Variants in CACNA1A observed in about 807,000 individuals in gnomAD.
CACNA1A encodes the protein calcium voltage-gated channel subunit alpha1 A.
Under a neutral mutation model 262.4 loss-of-function variants are expected in CACNA1A, and 57 were observed. The observed-to-expected ratio is 0.22, with a 90% CI of 0.18 to 0.27. The LOEUF (loss-of-function observed/expected upper bound fraction) is 0.27, where lower values mean the gene tolerates loss of function less well. CACNA1A is among the 10% of genes least tolerant of loss of function. The pLI, the probability that CACNA1A is intolerant of heterozygous loss-of-function variation, is 1.00. For missense variants in CACNA1A, 2,526 were observed against 3,562.8 expected (o/e 0.71, Z 7.41); for synonymous variants, 1,431 against 1,419.3 (o/e 1.01, Z -0.18).
intron 17 of CACNA1A, 64 bp downstream of exon 17, chr19:13,303,482 C>T (rs1023734014): frequency 2.2e-5 from 11 of 490,662 alleles, no homozygotes; most frequent in Non-Finnish European, 3.7e-5. Context: ...ACCCCCACCC[C>T]CGTCCTGATC....
Position 13,299,065 on chromosome 19 carries a change from G to T in CACNA1A, c.2568C>A (p.Asp856Glu). ...DQRLGQQRAE[D>E]FLRKQARYHD... Reference sequence around the variant, plus strand: ...GGTAGCGGGCCTGTTTCCTGAGGAAGTCCTCGGCGCGCTGCTGGCCGAGGC... The same window carrying T: ...GGTAGCGGGCCTGTTTCCTGAGGAATTCCTCGGCGCGCTGCTGGCCGAGGC... The change falls in exon 19 of 47, where the codon GAC (aspartate) becomes GAA (glutamate). Residue 856 changes from aspartate (D) to glutamate (E), a missense_variant. By Grantham distance (45) the Asp-to-Glu change is conservative (BLOSUM62 2). Transcript: ENST00000360228. The T allele has an allele frequency of 1.2e-6, 2 of 1,607,224 alleles. No individual in the cohort carries two copies. The highest frequency in any genetic ancestry group is 1.7e-6 in the Non-Finnish European group (2 of 1,179,020).
chr19:13,222,853 C>T (rs1344301546), intron 38 of CACNA1A, among the ~76,000 whole-genome samples: 1 of 151,668 alleles, frequency 6.6e-6, no homozygotes, highest in Non-Finnish European at 1.5e-5. Flanking sequence ...CACCATGACA[C>T]CCGGCTACTT....
At position 13,337,231 on chromosome 19, in the gene CACNA1A, A is replaced by G. The variant is rs181269869; in HGVS notation, c.979-1322T>C. ...CAAAGATTTATTGTCTTACAGTTAT[A>G]GAGGCCAAAAATCCAAGCTCAAGGT... On this transcript the variant is annotated intron_variant, in intron 6 of 46. Coordinates refer to ENST00000360228, the MANE Select transcript of CACNA1A (RefSeq NM_001127222.2). Among the ~76,000 whole-genome samples the G allele has an allele frequency of 1.2e-4, 19 of 152,348 alleles. 1 individual carries two copies. The East Asian group carries it at 3.3e-3, about 26-fold the overall frequency.
At position 13,261,545 on chromosome 19, in the gene CACNA1A, T is replaced by A; in HGVS notation, c.4155A>T (p.Leu1385=). ...CCACCACGGCGAAGATGAACATGAATAGCATGTAGACGATGAGGATGTTGA... is the reference window on the plus strand; with the variant it reads ...CCACCACGGCGAAGATGAACATGAAAAGCATGTAGACGATGAGGATGTTGA... ...NVFNILIVYM[L]FMFIFAVVAV... Residue 1385 remains leucine, a synonymous_variant, in exon 26 of 47, where the codon CTA becomes CTT. Coordinates refer to ENST00000360228, the MANE Select transcript of CACNA1A (RefSeq NM_001127222.2). 6.2e-7 allele frequency: 1 copy of A among 1,606,724 alleles called. No individual in the cohort carries two copies. The highest frequency in any genetic ancestry group is 1.1e-5 in the South Asian group (1 of 89,476).
intron 10 of CACNA1A, among the ~76,000 whole-genome samples, chr19:13,325,579 C>T (rs562785700): frequency 3.3e-5 from 5 of 152,240 alleles, no homozygotes; most frequent in South Asian, 2.1e-4. Flanking sequence ...GGATTACAGG[C>T]GCCCGCCTCC....
intron 8 of CACNA1A, 86 bp downstream of exon 8, chr19:13,334,292 C>T (rs1406682700): frequency 1.1e-5 from 9 of 795,352 alleles, no homozygotes; most frequent in Non-Finnish European, 2.0e-5. Context: ...ACCCTCCCAG[C>T]TTAGCCTTCT....
chr19:13,454,463 C>T (rs948907543), intron 2 of CACNA1A, among the ~76,000 whole-genome samples: 4 of 151,960 alleles, frequency 2.6e-5, no homozygotes, highest in African/African-American at 9.7e-5. Context: ...CTCTGCCTCC[C>T]GGGTTCAAGC....
chr19:13,319,987 G>C (rs2058214826), intron 10 of CACNA1A, among the ~76,000 whole-genome samples: 2 of 152,130 alleles, frequency 1.3e-5, no homozygotes. Context: ...ATTCCACTCG[G>C]CTGCAGTTGG....
At chr19:13,425,452 G>A (rs2060385246) in intron 3 of CACNA1A, among the ~76,000 whole-genome samples, 3 of 152,108 alleles carry the variant, frequency 2.0e-5, no homozygotes, top group Non-Finnish European at 4.4e-5. Flanking sequence ...AGTAGGATGG[G>A]GCCCCAATAG....
In CACNA1A at chr19:13,322,557, C is replaced by T. The variant is rs570133063; in HGVS notation, c.1346-5236G>A. On this transcript the variant is annotated intron_variant, in intron 10 of 46. Coordinates refer to ENST00000360228, the MANE Select transcript of CACNA1A (RefSeq NM_001127222.2). Reference sequence around the variant, plus strand: ...TATTAAAATGATGTAAATGGATCCCCGTTTCCCCACATCCTTGCCAGCACT... The same window carrying T: ...TATTAAAATGATGTAAATGGATCCCTGTTTCCCCACATCCTTGCCAGCACT... Among the ~76,000 whole-genome samples, 6 of 151,680 alleles carry T rather than the reference C, an allele frequency of 4.0e-5. No individual in the cohort carries two copies. In the East Asian group the frequency reaches 5.8e-4, roughly 15 times the overall value.
intron 3 of CACNA1A, among the ~76,000 whole-genome samples, chr19:13,381,641 G>C (rs138964250): frequency 2.1e-3 from 314 of 152,290 alleles, no homozygotes; most frequent in Middle Eastern, 0.01. Flanking sequence ...CCGGTGCAAA[G>C]GTCCAGCTGG....
chr19:13,207,414 T>TG lies in CACNA1A; in HGVS notation c.7419dup (p.Asn2474GlnfsTer29), dbSNP rs1238722007. ...AGTCCGTGCGCCGGGTAGTAGCCGT[T>TG]GGGGAGTCGCCGGCCGTGCCGAGAA... On this transcript the variant is annotated frameshift_variant, in exon 47 of 47. Coordinates refer to ENST00000360228, the MANE Select transcript of CACNA1A (RefSeq NM_001127222.2). LOFTEE classifies it high-confidence loss of function. The surrounding 1 kb of genome is among the most constrained non-coding windows in gnomAD (Gnocchi z 5.7). 6.5e-7 allele frequency: 1 copy of TG among 1,530,490 alleles called. No individual in the cohort carries two copies. The highest frequency in any genetic ancestry group is 1.2e-5 in the South Asian group (1 of 84,462). 94.8% of individuals were successfully genotyped at this position (1,530,490 alleles called of 1,614,324 possible). A position where few individuals can be genotyped will look rare whatever the true frequency, so the allele number is the denominator to read the frequency against.
chr19:13,219,342 C>T (rs1447745718), intron 38 of CACNA1A, among the ~76,000 whole-genome samples: 1 of 152,118 alleles, frequency 6.6e-6, no homozygotes, highest in Non-Finnish European at 1.5e-5. Context: ...GTGCCCGGCC[C>T]TTTGCAGATT....
chr19:13,221,167 C>T (rs184983541), intron 38 of CACNA1A, among the ~76,000 whole-genome samples: 88 of 147,550 alleles, frequency 6.0e-4, no homozygotes, highest in Non-Finnish European at 8.5e-4. Context: ...TGGGACTATC[C>T]ACCTGCTCCT....
At chr19:13,406,448 C>T (rs2060003440) in intron 3 of CACNA1A, among the ~76,000 whole-genome samples, 1 of 115,176 alleles carries the variant, frequency 8.7e-6, no homozygotes, top group Non-Finnish European at 1.7e-5. Context: ...GAGGGAGACT[C>T]TGTCTCAAAA....
chr19:13,463,145 T>A (rs1327273107), intron 1 of CACNA1A, among the ~76,000 whole-genome samples: 17 of 141,672 alleles, frequency 1.2e-4, no homozygotes, highest in East Asian at 6.1e-4. Flanking sequence ...TGCCTTTATT[T>A]AAAAAAAAAA....
intron 1 of CACNA1A, among the ~76,000 whole-genome samples, chr19:13,499,215 A>G (rs184834813): frequency 6.6e-6 from 1 of 152,214 alleles, no homozygotes; most frequent in East Asian, 1.9e-4. Flanking sequence ...AGCTAATTAT[A>G]TACTTTAAAA....
intron 3 of CACNA1A, among the ~76,000 whole-genome samples, chr19:13,438,534 C>G (rs1235879411): frequency 6.6e-6 from 1 of 152,206 alleles, no homozygotes; most frequent in Non-Finnish European, 1.5e-5. Flanking sequence ...GGGAGTGGAG[C>G]ACAGTCATTC....
intron 3 of CACNA1A, among the ~76,000 whole-genome samples, chr19:13,445,548 A>T (rs1293868226): frequency 6.6e-6 from 1 of 151,998 alleles, no homozygotes; most frequent in Non-Finnish European, 1.5e-5. Flanking sequence ...GACAGTGCTA[A>T]CCCTGTGAAT....
Sources: gnomAD v4.1 joint callset for allele counts (sites outside exome capture counted in the v4.1 genomes callset) on GRCh38, gnomAD v4.1.1 for gene constraint, Gnocchi (gnomAD v3.1) non-coding constraint, MANE v1.5 for transcripts, NCBI Gene and HGNC (gene_info 2026-07-23, HGNC 2026-07-21) for gene names.